SLC38A1: variants seen among roughly 807,000 people sequenced by gnomAD.
SLC38A1 encodes the protein solute carrier family 38 member 1, also known as sodium-coupled neutral amino acid symporter 1.
In SLC38A1, 18 loss-of-function variants were observed where a neutral mutation model predicts 60.3. The observed-to-expected ratio is 0.30, with a 90% CI of 0.21 to 0.44. The LOEUF (loss-of-function observed/expected upper bound fraction) is 0.44, where lower values mean the gene tolerates loss of function less well. Among genes scored for constraint, SLC38A1 ranks in the 20% least tolerant of loss-of-function variants. SLC38A1 has a pLI of 1.00. For synonymous variants in SLC38A1, 196 were observed against 212.1 expected, an observed-to-expected ratio of 0.92 and a Z score of 0.66; for missense variants, 448 against 587.2, an observed-to-expected ratio of 0.76 and a Z score of 2.45.
At chr12:46,220,533 A>G (rs57668910) in intron 5 of SLC38A1, among the ~76,000 whole-genome samples, 27,008 of 151,966 alleles carry the variant, frequency 0.18, 4,024 homozygotes, top group East Asian at 0.45. Flanking sequence ...AGATCACAAG[A>G]TCCAGTTTGG....
At chr12:46,226,867 G>A (rs1363983943) in intron 5 of SLC38A1, among the ~76,000 whole-genome samples, 1 of 152,004 alleles carries the variant, frequency 6.6e-6, no homozygotes, top group Non-Finnish European at 1.5e-5. Context: ...TGATCCACCG[G>A]CCTCAGCCTC....
intron 9 of SLC38A1, 143 bp downstream of exon 9, chr12:46,205,937 A>T (rs1423285706): frequency 1.9e-6 from 1 of 516,074 alleles, no homozygotes; most frequent in Non-Finnish European, 3.5e-6. Context: ...TAAAGTTGGG[A>T]CCGATTAATA....
Position 46,206,177 on chromosome 12 carries a change from A to G in SLC38A1, c.564-15T>C, listed in dbSNP as rs1271992235. On this transcript the variant is annotated splice_polypyrimidine_tract_variant and intron_variant, in intron 8 of 16. Transcript: ENST00000398637. ...CGTACCAGGCTCTGAAAGGCATTTA[A>G]GTGATTAGGTTATATTTTTTTAGAA... The G allele has an allele frequency of 6.4e-7, 1 of 1,559,554 alleles. No homozygotes were observed. Among genetic ancestry groups the G allele is most frequent in the Admixed American group, 1.7e-5 (1 of 58,126 alleles).
chr12:46,202,630 T>C (rs970922220), intron 12 of SLC38A1, among the ~76,000 whole-genome samples: 2 of 152,248 alleles, frequency 1.3e-5, no homozygotes, highest in African/African-American at 4.8e-5. Context: ...TCAGAGACGA[T>C]GTATTTAGCA....
chr12:46,210,299 G>A (rs1251291495), intron 5 of SLC38A1, among the ~76,000 whole-genome samples: 1 of 152,212 alleles, frequency 6.6e-6, no homozygotes, highest in Non-Finnish European at 1.5e-5. Flanking sequence ...GATAAACCAG[G>A]AGTACAGAAT....
intron 1 of SLC38A1, among the ~76,000 whole-genome samples, chr12:46,264,523 T>C (rs1942293978): frequency 6.6e-6 from 1 of 152,176 alleles, no homozygotes; most frequent in African/African-American, 2.4e-5. Context: ...CAGAAATAAG[T>C]ACAACAATAT....
At chr12:46,221,356 C>G (rs1166499640) in intron 5 of SLC38A1, among the ~76,000 whole-genome samples, 1 of 152,216 alleles carries the variant, frequency 6.6e-6, no homozygotes, top group East Asian at 1.9e-4. Context: ...CAATACCAAC[C>G]TCATCTAGTA....
chr12:46,204,530 A>G lies in SLC38A1; in HGVS notation c.705+2T>C. 6.2e-7 allele frequency: 1 copy of G among 1,612,844 alleles called. No homozygotes were observed. Among genetic ancestry groups the G allele is most frequent in the Non-Finnish European group, 8.5e-7 (1 of 1,179,494 alleles). On this transcript the variant is annotated splice_donor_variant, in intron 10 of 16. Transcript: ENST00000398637. LOFTEE classifies it high-confidence loss of function. ...AAACCAACCATTGCAATCAGCACTT[A>G]CCACAATTAGGAAAAAAACCATACA...
At position 46,257,106 on chromosome 12, in the gene SLC38A1, A is replaced by G. The variant is rs868737698; in HGVS notation, c.-209+11420T>C. On this transcript the variant is annotated intron_variant, in intron 1 of 16. Transcript: ENST00000398637. ...AGTTCAGGCGGCCACTTGTCAGTCA[A>G]GAAGTGATCTTTTCCAGCAGTCCCA... 5.3e-5 allele frequency among the ~76,000 whole-genome samples: 8 copies of G among 152,294 alleles called. No individual in the cohort carries two copies. The Middle Eastern group carries it at 0.01, about 194-fold the overall frequency.
At chr12:46,204,259 A>G (rs766766572) in intron 11 of SLC38A1, 42 bp downstream of exon 11, 2 of 1,237,224 alleles carry the variant, frequency 1.6e-6, no homozygotes, top group Non-Finnish European at 2.4e-6. Flanking sequence ...AATGTCCTTA[A>G]TAAAAATGCT....
intron 16 of SLC38A1, among the ~76,000 whole-genome samples, chr12:46,193,362 A>G (rs1939226000): frequency 6.6e-6 from 1 of 152,158 alleles, no homozygotes; most frequent in Non-Finnish European, 1.5e-5. Flanking sequence ...TATGTGGCCA[A>G]TTTTAGAATA....
At chr12:46,253,938 T>C (rs1941942566) in intron 1 of SLC38A1, among the ~76,000 whole-genome samples, 1 of 152,120 alleles carries the variant, frequency 6.6e-6, no homozygotes, top group Non-Finnish European at 1.5e-5. Context: ...GTGAGGGACA[T>C]TTATGACTCT....
At chr12:46,244,092 C>T (rs551984676) in intron 1 of SLC38A1, among the ~76,000 whole-genome samples, 43 of 151,882 alleles carry the variant, frequency 2.8e-4, no homozygotes, top group East Asian at 5.8e-4. Flanking sequence ...CATGGCAGAA[C>T]GAAGAATAAG....
chr12:46,243,919 A>G (rs1941529720), intron 1 of SLC38A1, among the ~76,000 whole-genome samples: 1 of 152,238 alleles, frequency 6.6e-6, no homozygotes, highest in Non-Finnish European at 1.5e-5. Context: ...TGTAAAATAC[A>G]TAATCTTGCT....
intron 5 of SLC38A1, among the ~76,000 whole-genome samples, chr12:46,222,529 T>C (rs1294125033): frequency 1.3e-5 from 2 of 152,224 alleles, no homozygotes; most frequent in Non-Finnish European, 2.9e-5. Context: ...ACACACTATG[T>C]TCCCCGTTAC....
intron 1 of SLC38A1, among the ~76,000 whole-genome samples, chr12:46,249,504 A>C (rs1941756744): frequency 6.6e-6 from 1 of 152,192 alleles, no homozygotes; most frequent in Non-Finnish European, 1.5e-5. Flanking sequence ...ATTGAAGGAG[A>C]TAGAGATACA....
At chr12:46,237,065 TAAAAG>T (rs1435379066) in intron 3 of SLC38A1, among the ~76,000 whole-genome samples, 4 of 152,196 alleles carry the variant, frequency 2.6e-5, no homozygotes. Context: ...CAACCAAACT[TAAAAG>T]AATAAAAGGT....
chr12:46,198,011 C>T lies in SLC38A1; in HGVS notation c.1172G>A (p.Cys391Tyr), dbSNP rs1284638802. ...ELAKKTKFNLCRHTVVTCILL... is the reference protein window; with the variant it reads ...ELAKKTKFNLYRHTVVTCILL... The stretch of plus-strand genomic sequence containing the variant: ...TATGCAGGTAACCACGGTATGACGA[C>T]ATAAATTAAACTTTGTTTTCTTAGC... The change falls in exon 15 of 17, where the codon TGT becomes TAT. Residue 391 changes from cysteine (C) to tyrosine (Y), a missense_variant. Around this residue, in one of 2 missense-constraint regions of SLC38A1, gnomAD observed 346 missense variants for 497.5 expected, o/e 0.70. Transcript: ENST00000398637. 6.2e-7 allele frequency: 1 copy of T among 1,613,876 alleles called. No individual in the cohort carries two copies. The highest frequency in any genetic ancestry group is 1.3e-5 in the African/African-American group (1 of 74,976).
rs1274959121 is a variant in SLC38A1 at position 46,234,310 on chromosome 12, T to C, written c.123-4671A>G. ...CATCTTCTGTTTAGAAATTAGGGAGTAGCTTAAGCTGGAGGGAAATTTAGC... is the reference window on the plus strand; with the variant it reads ...CATCTTCTGTTTAGAAATTAGGGAGCAGCTTAAGCTGGAGGGAAATTTAGC... On this transcript the variant is annotated intron_variant, in intron 3 of 16. Transcript: ENST00000398637. Among the ~76,000 whole-genome samples the C allele has an allele frequency of 2.0e-5, 3 of 152,180 alleles. No individual in the cohort carries two copies. The East Asian group carries it at 5.8e-4, about 29-fold the overall frequency.
Sources: gnomAD v4.1 joint callset for allele counts (sites outside exome capture counted in the v4.1 genomes callset) on GRCh38, gnomAD v4.1.1 for gene constraint, gnomAD v4.1.1 regional missense constraint, MANE v1.5 for transcripts, NCBI Gene and HGNC (gene_info 2026-07-23, HGNC 2026-07-21) for gene names.